Variants in BTBD7 observed in about 807,000 individuals in gnomAD.
BTBD7 encodes the protein BTB domain containing 7, also known as BTB/POZ domain-containing protein 7.
In BTBD7, 38 loss-of-function variants were observed where a neutral mutation model predicts 99.9. That is an observed-to-expected ratio of 0.38 (90% CI 0.29 to 0.50). BTBD7 has a LOEUF of 0.50. Ranked by LOEUF, BTBD7 falls within the 20% of genes least tolerant of loss-of-function variation. The pLI is 0.93. For synonymous variants in BTBD7, 520 were observed against 511.4 expected, an observed-to-expected ratio of 1.02 and a Z score of -0.23; for missense variants, 1,170 against 1,394.6, an observed-to-expected ratio of 0.84 and a Z score of 2.57.
intron 1 of BTBD7, among the ~76,000 whole-genome samples, chr14:93,324,442 T>A (rs1054440616): frequency 2.0e-5 from 2 of 100,998 alleles, no homozygotes; most frequent in Admixed American, 8.9e-5. Flanking sequence ...AAAAGAGATT[T>A]TTGATGGCAA....
intron 1 of BTBD7, among the ~76,000 whole-genome samples, chr14:93,312,631 G>C (rs2053150917): frequency 6.6e-6 from 1 of 152,082 alleles, no homozygotes; most frequent in South Asian, 2.1e-4. Context: ...CTGTCTCTTG[G>C]AACACAAGCC....
chr14:93,315,650 T>C (rs2053193103), intron 1 of BTBD7, among the ~76,000 whole-genome samples: 1 of 152,276 alleles, frequency 6.6e-6, no homozygotes, highest in Non-Finnish European at 1.5e-5. Flanking sequence ...AATGGGATCA[T>C]ATAATAATGT....
Position 93,246,092 on chromosome 14 carries a change from G to C in BTBD7, c.2316C>G (p.Ile772Met), listed in dbSNP as rs2052303577. 8 of 1,531,140 alleles carry C rather than the reference G, an allele frequency of 5.2e-6. No individual in the cohort carries two copies. In the South Asian group the frequency reaches 7.9e-5, roughly 15 times the overall value. The allele number at this position is 1,531,140 out of a possible 1,614,324, so 94.8% of individuals were successfully genotyped here. The change falls in exon 10 of 11, where the codon ATC becomes ATG. Residue 772 changes from isoleucine to methionine, a missense_variant. Physicochemically the swap from Ile to Met is conservative, Grantham distance 10. This residue lies in a region of BTBD7 where 495 missense variants were observed against 525.9 expected (regional missense o/e 0.94). Coordinates refer to ENST00000334746, the MANE Select transcript of BTBD7 (RefSeq NM_001002860.4). ...TCCAGCCTGCTTTGAGTTGGTTATG[G>C]ATTGGGGTAGCTGGGGGGTGGTAGG... Reference protein sequence around the residue: ...PPPYHPPATPIHNQLKAGWKQ... With the variant: ...PPPYHPPATPMHNQLKAGWKQ...
At chr14:93,268,193 C>T (rs937890794) in intron 3 of BTBD7, among the ~76,000 whole-genome samples, 3 of 148,088 alleles carry the variant, frequency 2.0e-5, no homozygotes, top group Non-Finnish European at 4.4e-5. Context: ...TTTCTTAACT[C>T]CTCTGCATCT....
At chr14:93,323,959 T>C (rs1354642209) in intron 1 of BTBD7, among the ~76,000 whole-genome samples, 1 of 152,250 alleles carries the variant, frequency 6.6e-6, no homozygotes, top group Admixed American at 6.5e-5. Flanking sequence ...CCGTACACTT[T>C]GGTTCAAACC....
chr14:93,304,316 T>C (rs1467813984), intron 1 of BTBD7, among the ~76,000 whole-genome samples: 5 of 152,236 alleles, frequency 3.3e-5, no homozygotes, highest in Non-Finnish European at 5.9e-5. Flanking sequence ...GATTTAGAGA[T>C]GGTGATAAAA....
intron 4 of BTBD7, among the ~76,000 whole-genome samples, chr14:93,262,968 G>A (rs2052506311): frequency 6.6e-6 from 1 of 152,096 alleles, no homozygotes; most frequent in African/African-American, 2.4e-5. Context: ...TGCAATCAAA[G>A]CAACATACAA....
chr14:93,242,892 T>C lies in BTBD7; in HGVS notation c.2780A>G (p.His927Arg). ...QRHTHTSRKKHTLEQKTDTRE... is the reference protein window; with the variant it reads ...QRHTHTSRKKRTLEQKTDTRE... ...GGTGTCTGTTTTTTGCTCTAGTGTG[T>C]GTTTTTTCCGAGAAGTGTGTGTATG... Residue 927 changes from histidine to arginine, a missense_variant, in exon 11 of 11, where the codon CAC becomes CGC. This residue lies in a region of BTBD7 where 495 missense variants were observed against 525.9 expected (regional missense o/e 0.94). Coordinates refer to ENST00000334746, the MANE Select transcript of BTBD7 (RefSeq NM_001002860.4). 1 of 1,614,150 alleles carries C rather than the reference T, an allele frequency of 6.2e-7. No homozygotes were observed. The highest frequency in any genetic ancestry group is 1.1e-5 in the South Asian group (1 of 91,068).
intron 1 of BTBD7, among the ~76,000 whole-genome samples, chr14:93,301,821 A>G (rs921513276): frequency 2.6e-5 from 4 of 152,222 alleles, no homozygotes; most frequent in African/African-American, 9.6e-5. Flanking sequence ...CTCCCCATGT[A>G]ATGAAAATTA....
At chr14:93,327,165 A>G (rs2053343113) in intron 1 of BTBD7, among the ~76,000 whole-genome samples, 2 of 152,358 alleles carry the variant, frequency 1.3e-5, no homozygotes, top group South Asian at 4.1e-4. Context: ...TCTCAAGAAA[A>G]TTAAAAACTG....
chr14:93,267,903 G>T (rs1214699799), intron 3 of BTBD7, among the ~76,000 whole-genome samples: 1 of 152,050 alleles, frequency 6.6e-6, no homozygotes, highest in Non-Finnish European at 1.5e-5. Context: ...TTTCTAATCT[G>T]CTCTCTGTAC....
intron 3 of BTBD7, among the ~76,000 whole-genome samples, chr14:93,278,898 T>C (rs2052687016): frequency 6.6e-6 from 1 of 152,210 alleles, no homozygotes; most frequent in Non-Finnish European, 1.5e-5. Context: ...AGGAAAAACC[T>C]ACCACAGAGG....
rs564179754 is a variant in BTBD7 at position 93,238,613 on chromosome 14, A to C, written c.*3660T>G. On this transcript the variant is annotated 3_prime_UTR_variant, in exon 11 of 11. Coordinates refer to ENST00000334746, the MANE Select transcript of BTBD7 (RefSeq NM_001002860.4). ...ATGAATGCCTTATAATTAATTTCAAAATAAGTATCTTACAAGTGTTTCATG... is the reference window on the plus strand; with the variant it reads ...ATGAATGCCTTATAATTAATTTCAACATAAGTATCTTACAAGTGTTTCATG... 6.6e-6 allele frequency: 1 copy of C among 152,434 alleles called. No individual in the cohort carries two copies. Among genetic ancestry groups the C allele is most frequent in the East Asian group, 1.9e-4 (1 of 5,194 alleles). The allele number at this position is 152,434 out of a possible 1,614,324, so 9.4% of individuals were successfully genotyped here. A position where few individuals can be genotyped will look rare whatever the true frequency, so the allele number is the denominator to read the frequency against.
At chr14:93,287,301 A>C (rs2052790968) in intron 3 of BTBD7, among the ~76,000 whole-genome samples, 1 of 151,234 alleles carries the variant, frequency 6.6e-6, no homozygotes, top group Non-Finnish European at 1.5e-5. Flanking sequence ...TAGTAACACA[A>C]TGCTAACCCT....
At position 93,330,605 on chromosome 14, in the gene BTBD7, T is replaced by C. The variant is rs528612607; in HGVS notation, c.-107+2215A>G. On this transcript the variant is annotated intron_variant, in intron 1 of 10. Transcript: ENST00000334746. The stretch of plus-strand genomic sequence containing the variant: ...AGAACTTGAGGGAAAAGTCTATATG[T>C]TAATGGCAAAAACTGCAGTTACTTT... 1.1e-3 allele frequency among the ~76,000 whole-genome samples: 165 copies of C among 152,332 alleles called. 1 individual carries two copies. The highest frequency in any genetic ancestry group is 2.9e-3 in the Admixed American group (45 of 15,306).
In BTBD7 at chr14:93,263,959, T is replaced by C. The variant is rs764182509; in HGVS notation, c.1197A>G (p.Leu399=). ...CEDIIAESIS[L]DTLIAILKWS... Reference sequence around the variant, plus strand: ...ACTTGAGGATGGCAATTAAGGTATCTAATGAGATGCTCTCAGCAATGATAT... The same window carrying C: ...ACTTGAGGATGGCAATTAAGGTATCCAATGAGATGCTCTCAGCAATGATAT... Residue 399 remains leucine, a synonymous_variant, in exon 4 of 11, where the codon TTA becomes TTG. Coordinates refer to ENST00000334746, the MANE Select transcript of BTBD7 (RefSeq NM_001002860.4). 2.5e-6 allele frequency: 4 copies of C among 1,614,050 alleles called. No individual in the cohort carries two copies. Among genetic ancestry groups the C allele is most frequent in the African/African-American group, 2.7e-5 (2 of 74,936 alleles).
At chr14:93,255,944 T>C (rs2052424621) in intron 6 of BTBD7, 1 of 152,244 alleles carries the variant, frequency 6.6e-6, no homozygotes, top group Non-Finnish European at 1.5e-5. Flanking sequence ...GTGAATTTTT[T>C]TTTCTAATCA....
intron 1 of BTBD7, among the ~76,000 whole-genome samples, chr14:93,331,532 A>C (rs191051668): frequency 6.6e-6 from 1 of 152,350 alleles, no homozygotes; most frequent in East Asian, 1.9e-4. Context: ...TTCAGGAAGA[A>C]AGCAATTCAT....
At position 93,263,068 on chromosome 14, in the gene BTBD7, T is replaced by C. The variant is rs576054832; in HGVS notation, c.1371+717A>G. ...CATTTTATTATTTTTCTAGTACAAATACAAAGAAATAGGAAGTGGTTCAAT... is the reference window on the plus strand; with the variant it reads ...CATTTTATTATTTTTCTAGTACAAACACAAAGAAATAGGAAGTGGTTCAAT... On this transcript the variant is annotated intron_variant, in intron 4 of 10. Coordinates refer to ENST00000334746, the MANE Select transcript of BTBD7 (RefSeq NM_001002860.4). Among the ~76,000 whole-genome samples, 22 of 152,304 alleles carry C rather than the reference T, an allele frequency of 1.4e-4. 1 individual carries two copies. The highest frequency in any genetic ancestry group is 4.6e-4 in the African/African-American group (19 of 41,568).
Sources: gnomAD v4.1 joint callset for allele counts (sites outside exome capture counted in the v4.1 genomes callset) on GRCh38, gnomAD v4.1.1 for gene constraint, gnomAD v4.1.1 regional missense constraint, MANE v1.5 for transcripts, NCBI Gene and HGNC (gene_info 2026-07-23, HGNC 2026-07-21) for gene names.